RAPGEF3: variants seen among roughly 807,000 people sequenced by gnomAD.
RAPGEF3 encodes 9330170P05Rik.
RAPGEF3 carries 103 observed loss-of-function variants against 129.8 expected under a neutral mutation model. That is an observed-to-expected ratio of 0.79 (90% CI 0.68 to 0.93). The LOEUF is 0.93. Ranked by LOEUF, RAPGEF3 falls within the 40% of genes least tolerant of loss-of-function variation. The pLI, the probability that RAPGEF3 is intolerant of heterozygous loss-of-function variation, is 0.00. For missense variants in RAPGEF3, 1,117 were observed against 1,207.4 expected (o/e 0.93, Z 1.11); for synonymous variants, 436 against 482.6 (o/e 0.90, Z 1.26).
Position 47,743,524 on chromosome 12 carries a change from A to T in RAPGEF3, c.1825+6T>A. The T allele has an allele frequency of 6.2e-7, 1 of 1,612,558 alleles. No individual in the cohort carries two copies. Among genetic ancestry groups the T allele is most frequent in the Non-Finnish European group, 8.5e-7 (1 of 1,178,808 alleles). Reference sequence around the variant, plus strand: ...CCCTTGGGGTCTATCCAGGGGCACAACTCACCACCTGCAGAATTGACCTTC... The same window carrying T: ...CCCTTGGGGTCTATCCAGGGGCACATCTCACCACCTGCAGAATTGACCTTC... On this transcript the variant is annotated splice_donor_region_variant and intron_variant, in intron 18 of 27. Coordinates refer to ENST00000449771, the MANE Select transcript of RAPGEF3 (RefSeq NM_001098531.4).
At position 47,738,155 on chromosome 12, in the gene RAPGEF3, G is replaced by T. The variant is rs199716110; in HGVS notation, c.2581+38C>A. The T allele has an allele frequency of 1.1e-3, 1,788 of 1,613,922 alleles. 2 individuals are homozygous for T. The highest frequency in any genetic ancestry group is 2.0e-3 in the Middle Eastern group (12 of 5,916). ...CCCTGGAGCCTCACAGAGGATGTAG[G>T]GTGGGGGACCTCCCACCCCGGGGAC... On this transcript the variant is annotated intron_variant, in intron 26 of 27. Coordinates refer to ENST00000449771, the MANE Select transcript of RAPGEF3 (RefSeq NM_001098531.4).
rs776585358 is a variant in RAPGEF3 at position 47,751,930 on chromosome 12, C to T, written c.259G>A (p.Glu87Lys). The T allele has an allele frequency of 8.7e-6, 14 of 1,614,020 alleles. No homozygotes were observed. In the East Asian group the frequency reaches 2.0e-4, roughly 23 times the overall value. The change falls in exon 3 of 28, where the codon GAG becomes AAG. Residue 87 changes from glutamate (E) to lysine (K), a missense_variant. Coordinates refer to ENST00000449771, the MANE Select transcript of RAPGEF3 (RefSeq NM_001098531.4). ...CAGGCTTCTACCTGCTCCAGGCTCT[C>T]GCTGAAATCCAGGGACTCCTCGCTG... The part of the protein sequence containing the change: ...TNSEESLDFS[E>K]SLEQASTERV...
At position 47,734,688 on chromosome 12, in the gene RAPGEF3, A is replaced by G. The variant is rs2094781840; in HGVS notation, c.*2879T>C. The G allele has an allele frequency of 6.6e-6, 1 of 152,264 alleles. No homozygotes were observed. The highest frequency in any genetic ancestry group is 2.1e-4 in the South Asian group (1 of 4,832). 9.4% of individuals were successfully genotyped at this position (152,264 alleles called of 1,614,324 possible). On this transcript the variant is annotated 3_prime_UTR_variant, in exon 28 of 28. Transcript: ENST00000449771. ...AACACCATTCAAGTCTTAACCTATT[A>G]TTATCATGGTAAATCTTGTGACTAT...
Position 47,746,967 on chromosome 12 carries a change from G to C in RAPGEF3, c.1557-68C>G, listed in dbSNP as rs527419084. ...CTGGGGCTGCAGCAGGGAGGCCCTTGGGGCTCTGGATTCTCCCCGGCCCTC... is the reference window on the plus strand; with the variant it reads ...CTGGGGCTGCAGCAGGGAGGCCCTTCGGGCTCTGGATTCTCCCCGGCCCTC... On this transcript the variant is annotated intron_variant, in intron 15 of 27. Transcript: ENST00000449771. The C allele has an allele frequency of 4.2e-4, 622 of 1,485,440 alleles. 1 individual carries two copies. Among genetic ancestry groups the C allele is most frequent in the South Asian group, 3.2e-3 (263 of 81,182 alleles). The allele number at this position is 1,485,440 out of a possible 1,614,324, so 92.0% of individuals were successfully genotyped here. A position where few individuals can be genotyped will look rare whatever the true frequency, so the allele number is the denominator to read the frequency against.
rs1285607335 is a variant in RAPGEF3, at chr12:47,737,560, C to G, written c.*7G>C. 1.2e-6 allele frequency: 2 copies of G among 1,610,386 alleles called. No individual in the cohort carries two copies. The highest frequency in any genetic ancestry group is 1.7e-6 in the Non-Finnish European group (2 of 1,178,436). On this transcript the variant is annotated 3_prime_UTR_variant, in exon 28 of 28. Coordinates refer to ENST00000449771, the MANE Select transcript of RAPGEF3 (RefSeq NM_001098531.4). The stretch of plus-strand genomic sequence containing the variant: ...GTGCCTGCTCCAGCTCCAGTCCCAG[C>G]CCCTCCTCATGGCTCCAGCTCTCGG...
chr12:47,751,801 C>T lies in RAPGEF3; in HGVS notation c.302G>A (p.Gly101Glu), dbSNP rs1463778681. The T allele has an allele frequency of 1.9e-6, 3 of 1,614,172 alleles. No individual in the cohort carries two copies. Among genetic ancestry groups the T allele is most frequent in the Admixed American group, 3.3e-5 (2 of 60,032 alleles). Reference protein sequence around the residue: ...QASTERVLRAGRQLHRHLLAT... With the variant: ...QASTERVLRAERQLHRHLLAT... The stretch of plus-strand genomic sequence containing the variant: ...CAGCAGATGCCGATGCAGCTGCCTC[C>T]CAGCCCTGAGCACCCGCTCTGTGGA... Residue 101 changes from glycine to glutamate, a missense_variant, in exon 4 of 28, where the codon GGG (glycine) becomes GAG (glutamate). Coordinates refer to ENST00000449771, the MANE Select transcript of RAPGEF3 (RefSeq NM_001098531.4).
rs762082244 is a variant in RAPGEF3 at position 47,740,153 on chromosome 12, G to C, written c.2361C>G (p.Leu787=). Reference sequence around the variant, plus strand: ...GTGGAGCACTCACCAGCAGCCTCTCGAGGGCGGAGTACAGCTTCCGGACTT... The same window carrying C: ...GTGGAGCACTCACCAGCAGCCTCTCCAGGGCGGAGTACAGCTTCCGGACTT... ...PHKVRKLYSA[L]ERLLDPSWNH... Residue 787 remains leucine, a synonymous_variant, in exon 23 of 28, where the codon CTC becomes CTG. Transcript: ENST00000449771. 2.5e-6 allele frequency: 4 copies of C among 1,613,282 alleles called. No homozygotes were observed. Among genetic ancestry groups the C allele is most frequent in the Admixed American group, 1.7e-5 (1 of 59,950 alleles).
chr12:47,749,905 G>A lies in RAPGEF3; in HGVS notation c.817+25C>T. On this transcript the variant is annotated intron_variant, in intron 8 of 27. Transcript: ENST00000449771. The surrounding 1 kb of genome is among the most constrained non-coding windows in gnomAD (Gnocchi z 4.5). ...TGCCCATGTCCAGGCCCTGTGCCTG[G>A]CTTCTTATGCCCTGCTGGACTTACA... 6.2e-7 allele frequency: 1 copy of A among 1,614,174 alleles called. No homozygotes were observed. Among genetic ancestry groups the A allele is most frequent in the Non-Finnish European group, 8.5e-7 (1 of 1,179,992 alleles).
Position 47,738,107 on chromosome 12 carries a change from G to A in RAPGEF3, c.2582-14C>T, listed in dbSNP as rs974721952. 5 of 1,613,972 alleles carry A rather than the reference G, an allele frequency of 3.1e-6. No homozygotes were observed. Among genetic ancestry groups the A allele is most frequent in the South Asian group, 2.2e-5 (2 of 91,066 alleles). ...GTGAGAGAGGCACTGCGGGGGTGGG[G>A]AGGGGTCATGGAGTCAGGGCCACCC... On this transcript the variant is annotated splice_polypyrimidine_tract_variant and intron_variant, in intron 26 of 27. Transcript: ENST00000449771.
chr12:47,748,877 G>A lies in RAPGEF3; in HGVS notation c.1096C>T (p.Leu366=). The change falls in exon 11 of 28, where the codon CTG becomes TTG. Residue 366 remains leucine (L), a synonymous_variant. Transcript: ENST00000449771. The part of the protein sequence containing the change: ...LEEHGKVVLV[L]ERASQGAGPS... Reference sequence around the variant, plus strand: ...CCGGCGCCCTGAGAGGCTCTCTCCAGCACCAGCACCACTTTGCCATGTTCT... The same window carrying A: ...CCGGCGCCCTGAGAGGCTCTCTCCAACACCAGCACCACTTTGCCATGTTCT... The A allele has an allele frequency of 6.2e-7, 1 of 1,613,950 alleles. No individual in the cohort carries two copies. Among genetic ancestry groups the A allele is most frequent in the South Asian group, 1.1e-5 (1 of 91,086 alleles).
At position 47,740,899 on chromosome 12, in the gene RAPGEF3, G is replaced by T; in HGVS notation, c.2049+16C>A. ...CCCCGCCGCCTGCTCTCCTCCCCCA[G>T]CTCTGCCTCCCATACCTGGTGGATA... On this transcript the variant is annotated intron_variant, in intron 20 of 27. Transcript: ENST00000449771. The T allele has an allele frequency of 6.2e-7, 1 of 1,613,962 alleles. No individual in the cohort carries two copies. The highest frequency in any genetic ancestry group is 1.7e-5 in the Admixed American group (1 of 60,014).
At chr12:47,746,276 C>T in intron 16 of RAPGEF3, 1 of 272,134 alleles carries the variant, frequency 3.7e-6, no homozygotes, top group Non-Finnish European at 6.9e-6. Flanking sequence ...TAGGGTGGGA[C>T]CATGGGGAGC....
rs139570113 is a variant in RAPGEF3, at chr12:47,758,255, C to T, written c.7-177G>A. ...CAGGAAGACCTTCACTGGGGCCTGCCGGTCTGGCGCACTTAGGGGTCTCCA... is the reference window on the plus strand; with the variant it reads ...CAGGAAGACCTTCACTGGGGCCTGCTGGTCTGGCGCACTTAGGGGTCTCCA... On this transcript the variant is annotated intron_variant, in intron 1 of 27. Transcript: ENST00000449771. 5,660 of 1,432,716 alleles carry T rather than the reference C, an allele frequency of 4.0e-3. 29 individuals carry two copies. The highest frequency in any genetic ancestry group is 0.021 in the Middle Eastern group (80 of 3,890). The allele number at this position is 1,432,716 out of a possible 1,614,324, so 88.8% of individuals were successfully genotyped here. A position where few individuals can be genotyped will look rare whatever the true frequency, so the allele number is the denominator to read the frequency against.
chr12:47,740,006 C>T (rs1157415879), intron 23 of RAPGEF3, 135 bp downstream of exon 23: 22 of 1,117,110 alleles, frequency 2.0e-5, no homozygotes, highest in Non-Finnish European at 2.9e-5. Flanking sequence ...GGCCCTGGGC[C>T]GAGGTTGGGA....
At chr12:47,741,302 A>T in intron 19 of RAPGEF3, 1 of 661,104 alleles carries the variant, frequency 1.5e-6, no homozygotes, top group African/African-American at 1.8e-5. Flanking sequence ...GGAGCTCCCA[A>T]CCAGTGCTAC....
intron 16 of RAPGEF3, chr12:47,744,805 A>G (rs1941339363): frequency 6.6e-6 from 1 of 152,108 alleles, no homozygotes; most frequent in East Asian, 1.9e-4. Context: ...ACCTCAATCC[A>G]TTGCTCTTCC....
At chr12:47,738,970 T>A in intron 24 of RAPGEF3, 173 bp downstream of exon 24, 1 of 696,910 alleles carries the variant, frequency 1.4e-6, no homozygotes, top group South Asian at 1.8e-5. Flanking sequence ...GTCTAAGAAC[T>A]CCTAATTCAT....
chr12:47,741,145 G>A (rs1941140475), intron 19 of RAPGEF3, 105 bp from the exon 20 acceptor site: 6 of 1,366,568 alleles, frequency 4.4e-6, no homozygotes, highest in Non-Finnish European at 6.0e-6. Context: ...GTTAGGAGGA[G>A]GGTTAGGAGG....
chr12:47,749,848 C>T lies in RAPGEF3; in HGVS notation c.818-31G>A. The T allele has an allele frequency of 6.2e-7, 1 of 1,614,094 alleles. No individual in the cohort carries two copies. Among genetic ancestry groups the T allele is most frequent in the Non-Finnish European group, 8.5e-7 (1 of 1,179,918 alleles). On this transcript the variant is annotated intron_variant, in intron 8 of 27. Coordinates refer to ENST00000449771, the MANE Select transcript of RAPGEF3 (RefSeq NM_001098531.4). This position sits in a 1 kb window ranked among gnomAD's most constrained non-coding sequence, Gnocchi z 4.5. ...AGAAGCATACCTCAGACCGGGCCCT[C>T]CTGGCACCTACCATTCCTTCACACA...
Sources: gnomAD v4.1 joint callset for allele counts on GRCh38, gnomAD v4.1.1 for gene constraint, Gnocchi (gnomAD v3.1) non-coding constraint, MANE v1.5 for transcripts, NCBI Gene and HGNC (gene_info 2026-07-23, HGNC 2026-07-21) for gene names.